The following SBF2 variants were observed in gnomAD, a reference collection of about 807,000 sequenced individuals.
The protein encoded by SBF2 is myotubularin-related protein 13.
Under a neutral mutation model 225.2 loss-of-function variants are expected in SBF2, and 112 were observed. The observed-to-expected ratio is 0.50, with a 90% CI of 0.43 to 0.58. The LOEUF (loss-of-function observed/expected upper bound fraction) is 0.58. SBF2 is among the 20% of genes least tolerant of loss of function. The probability of loss-of-function intolerance (pLI) is 0.00; values close to 1 mark genes in which losing one functional copy is unlikely to be tolerated. For missense variants in SBF2, 1,996 were observed against 2,206.2 expected, an observed-to-expected ratio of 0.90 and a Z score of 1.91; for synonymous variants, 763 against 773.3, an observed-to-expected ratio of 0.99 and a Z score of 0.22.
At chr11:9,929,280 A>C (rs370946677) in intron 16 of SBF2, 96 of 174,840 alleles carry the variant, frequency 5.5e-4, no homozygotes, top group African/African-American at 1.4e-3. Context: ...AAAAACAAAA[A>C]AAAAAAAACC....
chr11:10,078,587 C>A (rs1951225042), intron 2 of SBF2, among the ~76,000 whole-genome samples: 1 of 150,448 alleles, frequency 6.6e-6, no homozygotes, highest in African/African-American at 2.5e-5. Flanking sequence ...AATGAGAACA[C>A]ATGGACACAG....
chr11:9,807,982 C>G lies in SBF2; in HGVS notation c.4443+18G>C, dbSNP rs575108160. The G allele has an allele frequency of 1.7e-5, 27 of 1,612,476 alleles. No individual in the cohort carries two copies. The highest frequency in any genetic ancestry group is 3.3e-4 in the Middle Eastern group (2 of 6,058). ...TTCTTTCCTTCATATCAAGTCAACT[C>G]AAGCTTGCTCTACTTACCTGGTGTA... is the stretch of plus-strand genomic sequence containing the variant. On this transcript the variant is annotated intron_variant, in intron 32 of 39. Coordinates refer to ENST00000256190, the MANE Select transcript of SBF2 (RefSeq NM_030962.4).
intron 17 of SBF2, among the ~76,000 whole-genome samples, chr11:9,868,504 T>C (rs1734586736): frequency 6.6e-6 from 1 of 151,362 alleles, no homozygotes; most frequent in African/African-American, 2.4e-5. Flanking sequence ...GGCAACAGAG[T>C]GACAGACAAA....
rs1949185405 is a variant in SBF2 at position 10,029,743 on chromosome 11, CCT to C, written c.513+20_513+21del. The C allele has an allele frequency of 7.0e-7, 1 of 1,437,190 alleles. No individual in the cohort carries two copies. The highest frequency in any genetic ancestry group is 1.4e-5 in the African/African-American group (1 of 71,268). 89.0% of individuals were successfully genotyped at this position (1,437,190 alleles called of 1,614,324 possible). On this transcript the variant is annotated intron_variant, in intron 5 of 39. Coordinates refer to ENST00000256190, the MANE Select transcript of SBF2 (RefSeq NM_030962.4). ...GGGGAAGAGGAACAATCCTTCTCCA[CCT>C]CTCTTTCTATTCTATTTACCTGAGA...
chr11:9,814,887 A>C (rs893225449), intron 29 of SBF2, among the ~76,000 whole-genome samples: 2 of 152,196 alleles, frequency 1.3e-5, no homozygotes, highest in African/African-American at 4.8e-5. Flanking sequence ...AAGTATGTGA[A>C]TTTACCTAGG....
At chr11:9,922,467 G>A (rs2134229294) in intron 16 of SBF2, among the ~76,000 whole-genome samples, 1 of 152,044 alleles carries the variant, frequency 6.6e-6, no homozygotes, top group South Asian at 2.1e-4. Flanking sequence ...ACACATATCT[G>A]CAATAAAAAT....
At chr11:10,005,918 G>A (rs1010455521) in intron 6 of SBF2, among the ~76,000 whole-genome samples, 2 of 152,086 alleles carry the variant, frequency 1.3e-5, no homozygotes, top group Non-Finnish European at 2.9e-5. Context: ...GCTGATGTAC[G>A]GTAGCTCACA....
At chr11:10,063,353 A>AT (rs1048495560) in intron 2 of SBF2, among the ~76,000 whole-genome samples, 2 of 124,512 alleles carry the variant, frequency 1.6e-5, no homozygotes, top group African/African-American at 5.6e-5. Flanking sequence ...TATTTTTTTA[A>AT]TTTTTTTATT....
intron 2 of SBF2, among the ~76,000 whole-genome samples, chr11:10,161,200 A>T (rs1955718582): frequency 6.6e-6 from 1 of 151,614 alleles, no homozygotes; most frequent in South Asian, 2.1e-4. Context: ...AAAAAAAAAA[A>T]AAAAAAATAG....
At chr11:9,783,306 C>T (rs1233782922) in intron 38 of SBF2, among the ~76,000 whole-genome samples, 3 of 152,174 alleles carry the variant, frequency 2.0e-5, no homozygotes, top group African/African-American at 4.8e-5. Context: ...ACTCTGTAAT[C>T]GTTATGAAAC....
chr11:10,156,571 T>C (rs371744399), intron 2 of SBF2, among the ~76,000 whole-genome samples: 4 of 152,338 alleles, frequency 2.6e-5, no homozygotes. Context: ...TTGATGGCTG[T>C]TCAGCCAGCC....
chr11:9,962,606 T>C (rs1040476803), intron 15 of SBF2, among the ~76,000 whole-genome samples: 1 of 152,080 alleles, frequency 6.6e-6, no homozygotes, highest in African/African-American at 2.4e-5. Context: ...TTAAATATCA[T>C]AAAAAAGGAA....
chr11:9,885,222 G>C (rs370605152), intron 17 of SBF2, among the ~76,000 whole-genome samples: 21 of 129,418 alleles, frequency 1.6e-4, no homozygotes, highest in African/African-American at 6.4e-4. Flanking sequence ...CTGCACTCTG[G>C]CCTGGGGGAT....
At chr11:10,092,520 A>G (rs1045628176) in intron 2 of SBF2, among the ~76,000 whole-genome samples, 7 of 152,212 alleles carry the variant, frequency 4.6e-5, no homozygotes, top group African/African-American at 7.2e-5. Flanking sequence ...AGAAAGGAGT[A>G]TATCATTAAT....
intron 4 of SBF2, among the ~76,000 whole-genome samples, chr11:10,030,113 G>C (rs1201703184): frequency 6.6e-6 from 1 of 152,178 alleles, no homozygotes; most frequent in Non-Finnish European, 1.5e-5. Flanking sequence ...TTGTAAAACA[G>C]ATGTTTGTGC....
chr11:9,920,442 C>T (rs1284622536), intron 16 of SBF2, among the ~76,000 whole-genome samples: 1 of 151,988 alleles, frequency 6.6e-6, no homozygotes, highest in African/African-American at 2.4e-5. Flanking sequence ...GGCACCAGTG[C>T]AAGAAGTATA....
chr11:10,002,657 C>G lies in SBF2; in HGVS notation c.652G>C (p.Val218Leu), dbSNP rs746412286. Residue 218 changes from valine (V) to leucine (L), a missense_variant, in exon 7 of 40, where the codon GTC becomes CTC. Coordinates refer to ENST00000256190, the MANE Select transcript of SBF2 (RefSeq NM_030962.4). ...IQNVLSLFCA[V>L]LTENKVLFHS... ...AAGAGAACCTTATTTTCTGTGAGGACTGCACAAAAGAGGCTGAGGACATTT... is the reference window on the plus strand; with the variant it reads ...AAGAGAACCTTATTTTCTGTGAGGAGTGCACAAAAGAGGCTGAGGACATTT... 1 of 1,613,348 alleles carries G rather than the reference C, an allele frequency of 6.2e-7. No individual in the cohort carries two copies. The highest frequency in any genetic ancestry group is 2.2e-5 in the East Asian group (1 of 44,794).
chr11:10,228,535 T>C (rs1323968773), intron 1 of SBF2, among the ~76,000 whole-genome samples: 1 of 152,162 alleles, frequency 6.6e-6, no homozygotes, highest in Non-Finnish European at 1.5e-5. Context: ...GCATGAAGCA[T>C]TGTTGAATTT....
chr11:9,960,420 T>TTAA (rs1258421144), intron 16 of SBF2: 3 of 152,250 alleles, frequency 2.0e-5, no homozygotes, highest in African/African-American at 4.8e-5. Context: ...ATTTAAGTCT[T>TTAA]TAATACATGT....
Sources: allele counts gnomAD v4.1 joint callset (sites outside exome capture counted in the v4.1 genomes callset), GRCh38; gene constraint gnomAD v4.1.1; transcripts MANE v1.5; gene names NCBI Gene and HGNC (gene_info 2026-07-23, HGNC 2026-07-21).